The following VPS13C variants were observed in gnomAD, a reference collection of about 807,000 sequenced individuals.
VPS13C encodes the protein vacuolar protein sorting 13 homolog C, also known as intermembrane lipid transfer protein VPS13C.
A neutral mutation model predicts 456.8 loss-of-function variants in VPS13C; 358 were observed. The ratio of observed to expected loss-of-function variants is 0.78; its 90% CI spans 0.72 to 0.86. VPS13C has a LOEUF of 0.86. VPS13C is among the 40% of genes least tolerant of loss of function. VPS13C has a pLI of 0.00. For synonymous variants in VPS13C, 1,578 were observed against 1,486.7 expected, an observed-to-expected ratio of 1.06 and a Z score of -1.41; for missense variants, 4,818 against 4,385.4, an observed-to-expected ratio of 1.10 and a Z score of -2.79.
chr15:61,856,485 G>A, intron 82 of VPS13C, 76 bp from the exon 83 acceptor site: 6 of 1,543,200 alleles, frequency 3.9e-6, no homozygotes, highest in South Asian at 1.2e-5. Flanking sequence ...TCACCCTACT[G>A]GATGGCAGAG....
rs770438695 is a variant in VPS13C at position 61,954,463 on chromosome 15, A to G, written c.4257T>C (p.Ser1419=). 1 of 1,609,558 alleles carries G rather than the reference A, an allele frequency of 6.2e-7. No homozygotes were observed. Among genetic ancestry groups the G allele is most frequent in the African/African-American group, 1.3e-5 (1 of 74,880 alleles). The part of the protein sequence containing the change: ...TLTTGVEEIR[S]VDIINMLLNF... The stretch of plus-strand genomic sequence containing the variant: ...TCAGCAGCATATTAATGATGTCTAC[A>G]GACCTAATTTCTTCCACTCCAGTTG... The change falls in exon 38 of 85, where the codon TCT becomes TCC. Residue 1419 remains serine, a synonymous_variant. Transcript: ENST00000644861.
intron 1 of VPS13C, among the ~76,000 whole-genome samples, chr15:62,053,595 A>T (rs1367002466): frequency 6.6e-6 from 1 of 152,236 alleles, no homozygotes; most frequent in East Asian, 1.9e-4. Flanking sequence ...CCTTGCTCAA[A>T]TCACAGAAGT....
At chr15:62,009,344 C>A in intron 13 of VPS13C, among the ~76,000 whole-genome samples, 1 of 150,380 alleles carries the variant, frequency 6.6e-6, no homozygotes. Flanking sequence ...CCAGAGGTAA[C>A]ATGAAAGCAG....
At chr15:61,956,179 C>T (rs2044989012) in intron 37 of VPS13C, among the ~76,000 whole-genome samples, 1 of 152,092 alleles carries the variant, frequency 6.6e-6, no homozygotes, top group East Asian at 1.9e-4. Flanking sequence ...TTTTCAGCAA[C>T]ATGGATGGAG....
intron 62 of VPS13C, among the ~76,000 whole-genome samples, chr15:61,912,209 G>C (rs1003180361): frequency 1.3e-5 from 2 of 152,126 alleles, no homozygotes; most frequent in African/African-American, 4.8e-5. Context: ...AACAATTCAA[G>C]AAATATCAAT....
chr15:61,876,876 A>C, intron 75 of VPS13C, 97 bp downstream of exon 75: 1 of 837,642 alleles, frequency 1.2e-6, no homozygotes, highest in Non-Finnish European at 1.7e-6. Context: ...AAGTGAGATA[A>C]ATTAGATAAA....
Position 61,919,391 on chromosome 15 carries a change from C to G in VPS13C, c.7536G>C (p.Leu2512Phe). Residue 2512 changes from leucine (L) to phenylalanine (F), a missense_variant, in exon 58 of 85, where the codon TTG becomes TTC. Leu to Phe is a conservative substitution (Grantham distance 22, BLOSUM62 0). This residue lies in a region of VPS13C where 4,552 missense variants were observed against 4,130.6 expected (regional missense o/e 1.10). Transcript: ENST00000644861. ...TGGCATTGGGATTCCGTACATTATA[C>G]AATCGCCGTCCAGGTCTGGCCACAG... is the stretch of plus-strand genomic sequence containing the variant. ...NIPVARPGRR[L>F]YNVRNPNASH... 1 of 1,603,238 alleles carries G rather than the reference C, an allele frequency of 6.2e-7. No individual in the cohort carries two copies. Among genetic ancestry groups the G allele is most frequent in the Non-Finnish European group, 8.5e-7 (1 of 1,175,456 alleles).
Position 61,915,901 on chromosome 15 carries a change from T to G in VPS13C, c.8177A>C (p.His2726Pro), listed in dbSNP as rs766831906. 6.2e-7 allele frequency: 1 copy of G among 1,613,956 alleles called. No homozygotes were observed. The highest frequency in any genetic ancestry group is 8.5e-7 in the Non-Finnish European group (1 of 1,180,000). ...TGGTAGTGTATCACGTATGCGGAAA[T>G]GTCCATTCCAGTTTTTGCCCTGGTA... ...VKYQGKNWNG[H>P]FRIRDTLPEF... Residue 2726 changes from histidine to proline, a missense_variant, in exon 61 of 85, where the codon CAT (histidine) becomes CCT (proline). Transcript: ENST00000644861.
chr15:62,029,318 T>C lies in VPS13C; in HGVS notation c.386-898A>G, dbSNP rs188640387. ...TCAACTACTTTCACTGTCATTACCATTAACATCATCAGAGCATGCAAATCT... is the reference window on the plus strand; with the variant it reads ...TCAACTACTTTCACTGTCATTACCACTAACATCATCAGAGCATGCAAATCT... On this transcript the variant is annotated intron_variant, in intron 5 of 84. Coordinates refer to ENST00000644861, the MANE Select transcript of VPS13C (RefSeq NM_020821.3). Among the ~76,000 whole-genome samples the C allele has an allele frequency of 9.7e-4, 148 of 152,244 alleles. 1 individual carries two copies. Among genetic ancestry groups the C allele is most frequent in the African/African-American group, 3.5e-3 (145 of 41,544 alleles).
rs533007733 is a variant in VPS13C, at chr15:61,863,385, C to A, written c.10952+55G>T. 2.2e-4 allele frequency: 297 copies of A among 1,374,708 alleles called. 5 individuals are homozygous for A. The South Asian group carries it at 3.6e-3, about 17-fold the overall frequency. 85.2% of individuals were successfully genotyped at this position (1,374,708 alleles called of 1,614,324 possible). On this transcript the variant is annotated intron_variant, in intron 82 of 84. Coordinates refer to ENST00000644861, the MANE Select transcript of VPS13C (RefSeq NM_020821.3). Reference sequence around the variant, plus strand: ...TTCTGCCATTTTAGCCTTCAAAATTCTTGTGACCTATGCAACTAAGTACTA... The same window carrying A: ...TTCTGCCATTTTAGCCTTCAAAATTATTGTGACCTATGCAACTAAGTACTA...
At chr15:61,907,994 C>T (rs2043198093) in intron 65 of VPS13C, among the ~76,000 whole-genome samples, 2 of 152,160 alleles carry the variant, frequency 1.3e-5, no homozygotes, top group African/African-American at 4.8e-5. Flanking sequence ...CACACTGTTA[C>T]TACACAAAGT....
At chr15:61,982,669 T>C (rs2045923540) in intron 20 of VPS13C, 96 bp from the exon 21 acceptor site, 2 of 773,768 alleles carry the variant, frequency 2.6e-6, no homozygotes, top group East Asian at 5.1e-5. Context: ...AGCTGTAGCT[T>C]TGAACTGTGG....
At chr15:62,051,822 G>A (rs1288242859) in intron 1 of VPS13C, among the ~76,000 whole-genome samples, 1 of 152,186 alleles carries the variant, frequency 6.6e-6, no homozygotes, top group Non-Finnish European at 1.5e-5. Context: ...AAAAACAGAT[G>A]CAGGAGATGG....
chr15:61,959,374 A>T, intron 36 of VPS13C, 74 bp downstream of exon 36: 2 of 1,361,914 alleles, frequency 1.5e-6, no homozygotes, highest in Non-Finnish European at 2.0e-6. Context: ...TCTACATTTC[A>T]TTTGGATTTC....
At chr15:61,868,033 G>A (rs1894714301) in intron 81 of VPS13C, 1 of 915,966 alleles carries the variant, frequency 1.1e-6, no homozygotes, top group South Asian at 1.5e-5. Flanking sequence ...AAAAACCAAA[G>A]GAAGAACAAT....
At chr15:61,889,951 A>G (rs1228500871) in intron 67 of VPS13C, among the ~76,000 whole-genome samples, 2 of 152,124 alleles carry the variant, frequency 1.3e-5, no homozygotes, top group Non-Finnish European at 2.9e-5. Context: ...CCAACTGACA[A>G]TGAGTATTGT....
At chr15:62,015,422 C>T (rs1451163362) in intron 9 of VPS13C, among the ~76,000 whole-genome samples, 1 of 151,862 alleles carries the variant, frequency 6.6e-6, no homozygotes, top group Admixed American at 6.6e-5. Flanking sequence ...GACATGAAGT[C>T]CTTGCCCACG....
At position 61,981,368 on chromosome 15, in the gene VPS13C, G is replaced by C; in HGVS notation, c.2140C>G (p.Leu714Val). Residue 714 changes from leucine (L) to valine (V), a missense_variant, in exon 22 of 85, where the codon CTG becomes GTG. This residue lies in a region of VPS13C where 4,552 missense variants were observed against 4,130.6 expected (regional missense o/e 1.10). Transcript: ENST00000644861. ...TGFHHEKSDL[L>V]ILDFGTFQLN... ...TGAAATGTACCAAAATCTAAAATCA[G>C]AAGATCTGACTTTTCATGGTGGAAA... 1 of 1,610,120 alleles carries C rather than the reference G, an allele frequency of 6.2e-7. No individual in the cohort carries two copies. The highest frequency in any genetic ancestry group is 1.3e-5 in the African/African-American group (1 of 74,652).
Position 61,852,662 on chromosome 15 carries a change from C to T in VPS13C, c.*1795G>A, listed in dbSNP as rs1407866127. 6.6e-6 allele frequency: 1 copy of T among 152,114 alleles called. No individual in the cohort carries two copies. The highest frequency in any genetic ancestry group is 6.5e-5 in the Admixed American group (1 of 15,270). The allele number at this position is 152,114 out of a possible 1,614,324, so 9.4% of individuals were successfully genotyped here. ...GTTTTAAAAACACAAAACACTAGAA[C>T]AGTTGCTATGAAATTACTGATAATG... On this transcript the variant is annotated 3_prime_UTR_variant, in exon 85 of 85. Coordinates refer to ENST00000644861, the MANE Select transcript of VPS13C (RefSeq NM_020821.3).
Sources: allele counts gnomAD v4.1 joint callset (sites outside exome capture counted in the v4.1 genomes callset), GRCh38; gene constraint gnomAD v4.1.1; regional missense constraint gnomAD v4.1.1; transcripts MANE v1.5; gene names NCBI Gene and HGNC (gene_info 2026-07-23, HGNC 2026-07-21).